The following RETREG1 variants were observed in gnomAD, a reference collection of about 807,000 sequenced individuals.
RETREG1 encodes reticulophagy regulator 1.
RETREG1 carries 44 observed loss-of-function variants against 54.8 expected under a neutral mutation model. The observed-to-expected ratio is 0.80, with a 90% CI of 0.63 to 1.03. The LOEUF is 1.03. RETREG1 is among the 50% of genes least tolerant of loss of function. The pLI is 0.00. For synonymous variants in RETREG1, 217 were observed against 238.5 expected (o/e 0.91, Z 0.83); for missense variants, 554 against 605.1 (o/e 0.92, Z 0.89).
chr5:16,512,321 T>A (rs907073373), intron 3 of RETREG1, among the ~76,000 whole-genome samples: 1 of 152,184 alleles, frequency 6.6e-6, no homozygotes, highest in African/African-American at 2.4e-5. Context: ...ATGCCTTGGC[T>A]GGGTGTCCTT....
chr5:16,607,376 G>A (rs1457577318), intron 1 of RETREG1, among the ~76,000 whole-genome samples: 1 of 152,076 alleles, frequency 6.6e-6, no homozygotes, highest in Non-Finnish European at 1.5e-5. Flanking sequence ...TGGCTCGGCT[G>A]GCCAAGATGG....
At chr5:16,512,762 TAC>T (rs1740219432) in intron 3 of RETREG1, among the ~76,000 whole-genome samples, 1 of 152,164 alleles carries the variant, frequency 6.6e-6, no homozygotes, top group Non-Finnish European at 1.5e-5. Flanking sequence ...CCAACTTTAG[TAC>T]ACATGGCCTT....
intron 3 of RETREG1, among the ~76,000 whole-genome samples, chr5:16,503,929 T>C (rs886882582): frequency 3.5e-4 from 53 of 152,230 alleles, no homozygotes; most frequent in African/African-American, 1.2e-3. Flanking sequence ...CCAGGGTACA[T>C]GTGCAGGATG....
chr5:16,536,041 T>C (rs1741063728), intron 3 of RETREG1, among the ~76,000 whole-genome samples: 1 of 152,142 alleles, frequency 6.6e-6, no homozygotes, highest in African/African-American at 2.4e-5. Context: ...GAGCTGGAGC[T>C]ACTGTGTGCA....
intron 1 of RETREG1, among the ~76,000 whole-genome samples, chr5:16,572,648 A>G (rs1742209015): frequency 6.6e-6 from 1 of 152,230 alleles, no homozygotes; most frequent in African/African-American, 2.4e-5. Flanking sequence ...AATTTCGGGC[A>G]GAGGATTTGC....
intron 1 of RETREG1, among the ~76,000 whole-genome samples, chr5:16,605,896 C>T (rs1306240747): frequency 1.3e-5 from 2 of 152,178 alleles, no homozygotes; most frequent in African/African-American, 4.8e-5. Flanking sequence ...AAAGGCTCCA[C>T]CTCTTAAAAC....
At chr5:16,475,929 C>G (rs1738519264) in intron 8 of RETREG1, among the ~76,000 whole-genome samples, 1 of 152,086 alleles carries the variant, frequency 6.6e-6, no homozygotes, top group Non-Finnish European at 1.5e-5. Flanking sequence ...ACAGTTAACT[C>G]CCTGCAACAG....
At chr5:16,541,734 A>C (rs944972378) in intron 3 of RETREG1, among the ~76,000 whole-genome samples, 1 of 131,370 alleles carries the variant, frequency 7.6e-6, no homozygotes, top group African/African-American at 3.0e-5. Context: ...GAAGAGAGGG[A>C]GGGAGGGAAG....
intron 3 of RETREG1, among the ~76,000 whole-genome samples, chr5:16,522,909 T>G (rs1335910908): frequency 6.6e-6 from 1 of 151,836 alleles, no homozygotes; most frequent in Admixed American, 6.6e-5. Flanking sequence ...AGGAGGCTGA[T>G]GGGGGAGGAT....
intron 3 of RETREG1, among the ~76,000 whole-genome samples, chr5:16,530,505 G>A (rs1740879468): frequency 6.6e-6 from 1 of 152,198 alleles, no homozygotes; most frequent in African/African-American, 2.4e-5. Flanking sequence ...GATCTGATGA[G>A]AAAGTAATCA....
chr5:16,491,517 G>A (rs551306154), intron 3 of RETREG1, among the ~76,000 whole-genome samples: 2 of 152,212 alleles, frequency 1.3e-5, no homozygotes, highest in African/African-American at 4.8e-5. Context: ...GTTATTTGGT[G>A]GCACCATGTT....
chr5:16,586,742 C>T (rs1187032152), intron 1 of RETREG1, among the ~76,000 whole-genome samples: 1 of 152,216 alleles, frequency 6.6e-6, no homozygotes, highest in Non-Finnish European at 1.5e-5. Context: ...AACACATGCA[C>T]ATACTGGTGT....
intron 5 of RETREG1, among the ~76,000 whole-genome samples, chr5:16,480,211 A>G (rs1468465581): frequency 6.6e-6 from 1 of 151,916 alleles, no homozygotes; most frequent in Non-Finnish European, 1.5e-5. Context: ...AGATTGTTTG[A>G]ATTTTCTGGA....
At chr5:16,542,279 A>G (rs547225292) in intron 3 of RETREG1, among the ~76,000 whole-genome samples, 42 of 152,354 alleles carry the variant, frequency 2.8e-4, no homozygotes, top group African/African-American at 9.9e-4. Flanking sequence ...CTAAGGAAAA[A>G]CAAACAAAAA....
chr5:16,502,983 C>T (rs1739778979), intron 3 of RETREG1, among the ~76,000 whole-genome samples: 1 of 152,214 alleles, frequency 6.6e-6, no homozygotes, highest in Non-Finnish European at 1.5e-5. Flanking sequence ...AGGACAGACC[C>T]TCCCCATGGC....
intron 3 of RETREG1, among the ~76,000 whole-genome samples, chr5:16,492,170 C>T (rs1369633571): frequency 6.6e-6 from 1 of 151,214 alleles, no homozygotes; most frequent in Non-Finnish European, 1.5e-5. Flanking sequence ...AACTGCACCC[C>T]GCTGGAGAAC....
At chr5:16,530,349 C>T (rs1740876121) in intron 3 of RETREG1, among the ~76,000 whole-genome samples, 1 of 152,212 alleles carries the variant, frequency 6.6e-6, no homozygotes, top group Admixed American at 6.5e-5. Flanking sequence ...GCTCTACCAC[C>T]TACTGGCTGT....
chr5:16,562,317 A>G (rs952316202), intron 3 of RETREG1, among the ~76,000 whole-genome samples: 2 of 152,144 alleles, frequency 1.3e-5, no homozygotes, highest in South Asian at 2.1e-4. Context: ...CTCTGTCTCA[A>G]AAAAAAGAAA....
In RETREG1 at chr5:16,509,038, C is replaced by CTT. The variant is rs11403979; in HGVS notation, c.459-25568_459-25567dup. On this transcript the variant is annotated intron_variant, in intron 3 of 8. Transcript: ENST00000306320. The stretch of plus-strand genomic sequence containing the variant: ...CCGCCTGCCCTTTTTCTTCCCCCGG[C>CTT]TTTTTTTTTTTTTTTTCTGGCATGA... 149,958 of 894,744 alleles carry CTT rather than the reference C, an allele frequency of 0.17. 1,638 individuals are homozygous for CTT. The highest frequency in any genetic ancestry group is 0.17 in the Non-Finnish European group (131,609 of 758,032). The allele number at this position is 894,744 out of a possible 1,614,324, so 55.4% of individuals were successfully genotyped here.
Sources: allele counts gnomAD v4.1 joint callset (sites outside exome capture counted in the v4.1 genomes callset), GRCh38; gene constraint gnomAD v4.1.1; transcripts MANE v1.5; gene names NCBI Gene and HGNC (gene_info 2026-07-23, HGNC 2026-07-21).